Variants in NTHL1 observed in about 807,000 individuals in gnomAD.
NTHL1 encodes endonuclease III-like protein 1.
A neutral mutation model predicts 32.3 loss-of-function variants in NTHL1; 32 were observed. That is an observed-to-expected ratio of 0.99 (90% CI 0.75 to 1.33). The LOEUF (loss-of-function observed/expected upper bound fraction) is 1.33, where lower values mean the gene tolerates loss of function less well. Ranked by LOEUF, NTHL1 falls within the 40% of genes most tolerant of loss-of-function variation. NTHL1 has a pLI of 0.00. For missense variants in NTHL1, 501 were observed against 414.1 expected, an observed-to-expected ratio of 1.21 and a Z score of -1.82; for synonymous variants, 188 against 176.9, an observed-to-expected ratio of 1.06 and a Z score of -0.50.
At chr16:2,047,620 C>A in intron 1 of NTHL1, 89 bp downstream of exon 1, 1 of 1,481,042 alleles carries the variant, frequency 6.8e-7, no homozygotes, top group Non-Finnish European at 8.9e-7. Context: ...CCTGCCCGCG[C>A]AGCTGGGAGC....
chr16:2,039,873 C>A lies in NTHL1; in HGVS notation c.*51G>T. 6.3e-7 allele frequency: 1 copy of A among 1,596,894 alleles called. No individual in the cohort carries two copies. The highest frequency in any genetic ancestry group is 1.1e-5 in the South Asian group (1 of 90,972). ...GGCGTGGCTTCCTGAAGCGTAAAGC[C>A]ACTTCACAGACGGTGGCCACAGCGG... On this transcript the variant is annotated 3_prime_UTR_variant, in exon 6 of 6. Coordinates refer to ENST00000651570, the MANE Select transcript of NTHL1 (RefSeq NM_002528.7).
chr16:2,044,608 C>G lies in NTHL1; in HGVS notation c.525+22G>C. The G allele has an allele frequency of 1.9e-6, 3 of 1,599,812 alleles. No homozygotes were observed. The highest frequency in any genetic ancestry group is 1.7e-6 in the Non-Finnish European group (2 of 1,179,842). On this transcript the variant is annotated intron_variant, in intron 3 of 5. Coordinates refer to ENST00000651570, the MANE Select transcript of NTHL1 (RefSeq NM_002528.7). The surrounding 1 kb of genome is among the most constrained non-coding windows in gnomAD (Gnocchi z 5.0). ...TCTCAGGCCACTGCCACCCGGCCCC[C>G]GTTGCCACAGGCAGGGCTCACCCTC...
At chr16:2,042,203 C>T (rs536151576) in intron 4 of NTHL1, 112 of 419,986 alleles carry the variant, frequency 2.7e-4, no homozygotes, top group African/African-American at 2.0e-3. Context: ...TCCCAAAGCC[C>T]GTTCCCTGCC....
In NTHL1 at chr16:2,044,524, G is replaced by C. The variant is rs556749258; in HGVS notation, c.525+106C>G. On this transcript the variant is annotated intron_variant, in intron 3 of 5. Transcript: ENST00000651570. This position sits in a 1 kb window ranked among gnomAD's most constrained non-coding sequence, Gnocchi z 5.0. The stretch of plus-strand genomic sequence containing the variant: ...GGCTTCAGGGGGACCCCCCGAGCCT[G>C]AGATGCTTGACCCTCACTTCCTGCA... 380 of 1,475,962 alleles carry C rather than the reference G, an allele frequency of 2.6e-4. No individual in the cohort carries two copies. The African/African-American group carries it at 4.7e-3, about 18-fold the overall frequency. 91.4% of individuals were successfully genotyped at this position (1,475,962 alleles called of 1,614,324 possible).
At position 2,044,594 on chromosome 16, in the gene NTHL1, T is replaced by C; in HGVS notation, c.525+36A>G. On this transcript the variant is annotated intron_variant, in intron 3 of 5. Transcript: ENST00000651570. The surrounding 1 kb of genome is among the most constrained non-coding windows in gnomAD (Gnocchi z 5.0). ...CCTTCTGAGGTCTCTCTCAGGCCAC[T>C]GCCACCCGGCCCCCGTTGCCACAGG... 1.9e-6 allele frequency: 3 copies of C among 1,598,028 alleles called. No individual in the cohort carries two copies. The highest frequency in any genetic ancestry group is 2.5e-6 in the Non-Finnish European group (3 of 1,179,730).
chr16:2,039,927 G>A lies in NTHL1; in HGVS notation c.912C>T (p.Leu304=), dbSNP rs1048794. The A allele has an allele frequency of 6.2e-7, 1 of 1,602,010 alleles. No individual in the cohort carries two copies. Among genetic ancestry groups the A allele is most frequent in the Non-Finnish European group, 8.5e-7 (1 of 1,179,852 alleles). Residue 304 remains leucine (L), a synonymous_variant, in exon 6 of 6, where the codon CTC becomes CTT. Transcript: ENST00000651570. Reference sequence around the variant, plus strand: ...CTCGGCCAGAGCCATGCGGCCATCAGAGACCCTGGGCGGCCGGGCAGAGGG... The same window carrying A: ...CTCGGCCAGAGCCATGCGGCCATCAAAGACCCTGGGCGGCCGGGCAGAGGG... ...NQALCPAAQG[L]
At position 2,043,444 on chromosome 16, in the gene NTHL1, T is replaced by C. The variant is rs114873327; in HGVS notation, c.685+123A>G. The C allele has an allele frequency of 8.1e-4, 1,144 of 1,410,428 alleles. 9 individuals carry two copies. In the African/African-American group the frequency reaches 0.014, roughly 18 times the overall value. The allele number at this position is 1,410,428 out of a possible 1,614,324, so 87.4% of individuals were successfully genotyped here. Reference sequence around the variant, plus strand: ...GGCCTGGCTCCACCCTGGGAGCACCTTTCTGACTCTATGGGCTGGGTGGAG... The same window carrying C: ...GGCCTGGCTCCACCCTGGGAGCACCCTTCTGACTCTATGGGCTGGGTGGAG... On this transcript the variant is annotated intron_variant, in intron 4 of 5. Transcript: ENST00000651570. This position sits in a 1 kb window ranked among gnomAD's most constrained non-coding sequence, Gnocchi z 4.4.
rs1164497071 is a variant in NTHL1 at position 2,043,824 on chromosome 16, G to A, written c.526-98C>T. 7.0e-7 allele frequency: 1 copy of A among 1,422,300 alleles called. No homozygotes were observed. Among genetic ancestry groups the A allele is most frequent in the Non-Finnish European group, 9.7e-7 (1 of 1,027,678 alleles). 88.1% of individuals were successfully genotyped at this position (1,422,300 alleles called of 1,614,324 possible). A position where few individuals can be genotyped will look rare whatever the true frequency, so the allele number is the denominator to read the frequency against. ...GACCCACAGGTGGCCAGAGCTACCT[G>A]CACCTGCTGAGGACGTGTGCAAGCT... On this transcript the variant is annotated intron_variant, in intron 3 of 5. Transcript: ENST00000651570. This position sits in a 1 kb window ranked among gnomAD's most constrained non-coding sequence, Gnocchi z 4.4.
intron 1 of NTHL1, 72 bp downstream of exon 1, chr16:2,047,637 A>C: frequency 6.6e-7 from 1 of 1,508,432 alleles, no homozygotes; most frequent in Non-Finnish European, 8.8e-7. Context: ...GAGCCGCAGG[A>C]GGCGGCCCGG....
At position 2,043,801 on chromosome 16, in the gene NTHL1, C is replaced by T; in HGVS notation, c.526-75G>A. The T allele has an allele frequency of 1.3e-6, 2 of 1,563,436 alleles. No homozygotes were observed. The highest frequency in any genetic ancestry group is 1.7e-6 in the Non-Finnish European group (2 of 1,147,996). On this transcript the variant is annotated intron_variant, in intron 3 of 5. Transcript: ENST00000651570. The surrounding 1 kb of genome is among the most constrained non-coding windows in gnomAD (Gnocchi z 4.4). ...CTGGGAGGATGCAGCCCCCAGGAGACCCACAGGTGGCCAGAGCTACCTGCA... is the reference window on the plus strand; with the variant it reads ...CTGGGAGGATGCAGCCCCCAGGAGATCCACAGGTGGCCAGAGCTACCTGCA...
chr16:2,047,786 C>G lies in NTHL1; in HGVS notation c.38G>C (p.Arg13Pro). ...CGGCCCAGCCCCGGGTCCCAGGCTC[C>G]GGCTCCGGGTCAGCATCCTCGCGCT... ...ALSARMLTRS[R>P]SLGPGAGPRG... Residue 13 changes from arginine to proline, a missense_variant, in exon 1 of 6, where the codon CGG (arginine) becomes CCG (proline). Transcript: ENST00000651570. 3 of 1,589,846 alleles carry G rather than the reference C, an allele frequency of 1.9e-6. No individual in the cohort carries two copies. Among genetic ancestry groups the G allele is most frequent in the South Asian group, 1.1e-5 (1 of 88,718 alleles).
At chr16:2,041,062 G>A (rs746169507) in intron 4 of NTHL1, among the ~76,000 whole-genome samples, 7 of 152,194 alleles carry the variant, frequency 4.6e-5, no homozygotes, top group African/African-American at 1.7e-4. Context: ...TCTCCCACCC[G>A]GTGGCCCCGG....
chr16:2,046,431 C>A (rs2084394232), intron 1 of NTHL1, 65 bp from the exon 2 acceptor site: 26 of 1,453,428 alleles, frequency 1.8e-5, no homozygotes, highest in East Asian at 1.6e-4. Context: ...GGGGTGCCAT[C>A]CCGCCTGCTA....
rs779702263 is a variant in NTHL1 at position 2,043,637 on chromosome 16, C to T, written c.615G>A (p.Ala205=). 1.7e-5 allele frequency: 28 copies of T among 1,611,350 alleles called. No homozygotes were observed. The highest frequency in any genetic ancestry group is 4.0e-5 in the African/African-American group (3 of 75,076). The part of the protein sequence containing the change: ...DIPASVAELV[A]LPGVGPKMAH... ...CCATCTTGGGCCCAACACCCGGCAG[C>T]GCCACCAGCTCGGCCACAGAGGCTG... Residue 205 remains alanine (A), a synonymous_variant, in exon 4 of 6, where the codon GCG becomes GCA. Coordinates refer to ENST00000651570, the MANE Select transcript of NTHL1 (RefSeq NM_002528.7). The surrounding 1 kb of genome is among the most constrained non-coding windows in gnomAD (Gnocchi z 4.4).
chr16:2,047,567 G>A (rs1332916203), intron 1 of NTHL1, 142 bp downstream of exon 1: 33 of 1,330,292 alleles, frequency 2.5e-5, no homozygotes, highest in Non-Finnish European at 3.2e-5. Context: ...TGGGAACGCA[G>A]GGCCGCACGT....
chr16:2,042,686 T>G (rs941145690), intron 4 of NTHL1, among the ~76,000 whole-genome samples: 21 of 152,200 alleles, frequency 1.4e-4, no homozygotes, highest in South Asian at 8.3e-4. Context: ...CCCAGGGGTC[T>G]GTCTGCACCC....
intron 4 of NTHL1, among the ~76,000 whole-genome samples, chr16:2,042,975 G>A (rs1284802500): frequency 1.3e-5 from 1 of 74,520 alleles, no homozygotes; most frequent in Non-Finnish European, 2.7e-5. Context: ...TCTCCCCCCA[G>A]CACCTCCCTC....
At chr16:2,046,902 G>A in intron 1 of NTHL1, 1 of 154,926 alleles carries the variant, frequency 6.5e-6, no homozygotes, top group Admixed American at 6.3e-5. Flanking sequence ...AACCTGGGGG[G>A]CGGAGGTTGC....
chr16:2,043,802 C>T lies in NTHL1; in HGVS notation c.526-76G>A. 3 of 1,555,328 alleles carry T rather than the reference C, an allele frequency of 1.9e-6. No individual in the cohort carries two copies. Among genetic ancestry groups the T allele is most frequent in the Non-Finnish European group, 2.6e-6 (3 of 1,142,058 alleles). On this transcript the variant is annotated intron_variant, in intron 3 of 5. Transcript: ENST00000651570. The surrounding 1 kb of genome is among the most constrained non-coding windows in gnomAD (Gnocchi z 4.4). ...TGGGAGGATGCAGCCCCCAGGAGAC[C>T]CACAGGTGGCCAGAGCTACCTGCAC... is the stretch of plus-strand genomic sequence containing the variant.
Sources: gnomAD v4.1 joint callset for allele counts (sites outside exome capture counted in the v4.1 genomes callset) on GRCh38, gnomAD v4.1.1 for gene constraint, Gnocchi (gnomAD v3.1) non-coding constraint, MANE v1.5 for transcripts, NCBI Gene and HGNC (gene_info 2026-07-23, HGNC 2026-07-21) for gene names.